CNTN4: variants seen among roughly 807,000 people sequenced by gnomAD.
CNTN4 encodes the protein contactin-4.
A neutral mutation model predicts 122.5 loss-of-function variants in CNTN4; 77 were observed. The observed-to-expected ratio is 0.63, with a 90% CI of 0.52 to 0.76. The LOEUF (loss-of-function observed/expected upper bound fraction) is 0.76, where lower values mean the gene tolerates loss of function less well. Ranked by LOEUF, CNTN4 falls within the 30% of genes least tolerant of loss-of-function variation. The probability of loss-of-function intolerance (pLI) is 0.00; values close to 1 mark genes in which losing one functional copy is unlikely to be tolerated. For missense variants in CNTN4, 1,256 were observed against 1,259.1 expected (o/e 1.00, Z 0.04); for synonymous variants, 512 against 447.0 (o/e 1.15, Z -1.83).
intron 2 of CNTN4, among the ~76,000 whole-genome samples, chr3:2,174,353 T>C (rs569927943): frequency 1.3e-5 from 2 of 152,152 alleles, no homozygotes; most frequent in African/African-American, 4.8e-5. Flanking sequence ...CAGCATAACA[T>C]AGACTGGGTG....
intron 23 of CNTN4, among the ~76,000 whole-genome samples, chr3:3,045,127 T>A (rs1313403698): frequency 6.6e-6 from 1 of 152,152 alleles, no homozygotes; most frequent in Non-Finnish European, 1.5e-5. Flanking sequence ...AGTAGGTAAA[T>A]AGCGGCCTGG....
intron 4 of CNTN4, among the ~76,000 whole-genome samples, chr3:2,587,776 T>A (rs985490204): frequency 2.0e-5 from 3 of 152,170 alleles, no homozygotes; most frequent in African/African-American, 7.2e-5. Context: ...TATTATGAAT[T>A]TTTTTTCAGT....
intron 3 of CNTN4, among the ~76,000 whole-genome samples, chr3:2,522,883 T>C (rs2077270968): frequency 6.6e-6 from 1 of 152,132 alleles, no homozygotes; most frequent in Non-Finnish European, 1.5e-5. Context: ...TGTATTGTTA[T>C]TTGAAATCAG....
At chr3:2,569,320 C>G (rs1373348986) in intron 3 of CNTN4, among the ~76,000 whole-genome samples, 2 of 152,052 alleles carry the variant, frequency 1.3e-5, no homozygotes, top group Non-Finnish European at 2.9e-5. Context: ...CGCTAAGAGC[C>G]CATTATTAAG....
At chr3:2,156,399 G>C (rs1474044160) in intron 2 of CNTN4, among the ~76,000 whole-genome samples, 1 of 152,118 alleles carries the variant, frequency 6.6e-6, no homozygotes, top group Non-Finnish European at 1.5e-5. Flanking sequence ...TGCAGCAATG[G>C]TCCCGCGCCT....
intron 3 of CNTN4, among the ~76,000 whole-genome samples, chr3:2,426,560 G>A (rs905020419): frequency 6.6e-6 from 1 of 151,984 alleles, no homozygotes; most frequent in Non-Finnish European, 1.5e-5. Context: ...GCCAAGCTTT[G>A]GTATCAGGAT....
chr3:2,480,397 A>G (rs2075958100), intron 3 of CNTN4, among the ~76,000 whole-genome samples: 1 of 152,228 alleles, frequency 6.6e-6, no homozygotes, highest in Admixed American at 6.5e-5. Context: ...CCTGGATGTA[A>G]TAAATAATTG....
intron 3 of CNTN4, among the ~76,000 whole-genome samples, chr3:2,491,656 A>C (rs1383659586): frequency 1.3e-5 from 2 of 152,184 alleles, no homozygotes; most frequent in Non-Finnish European, 2.9e-5. Flanking sequence ...CAACTATCCT[A>C]TCCAACCTGT....
At chr3:2,235,274 C>T (rs1278417099) in intron 2 of CNTN4, among the ~76,000 whole-genome samples, 1 of 152,142 alleles carries the variant, frequency 6.6e-6, no homozygotes, top group South Asian at 2.1e-4. Flanking sequence ...TAGGATTATG[C>T]ATGCTATGAT....
intron 3 of CNTN4, among the ~76,000 whole-genome samples, chr3:2,351,588 G>A (rs553526713): frequency 7.2e-5 from 11 of 152,196 alleles, no homozygotes; most frequent in Non-Finnish European, 1.0e-4. Context: ...TACATTCCCC[G>A]TGGAGTAGGA....
At chr3:2,717,077 T>C (rs1170896991) in intron 4 of CNTN4, among the ~76,000 whole-genome samples, 1 of 152,194 alleles carries the variant, frequency 6.6e-6, no homozygotes, top group Non-Finnish European at 1.5e-5. Flanking sequence ...TATGAACACT[T>C]GTGTAAAAGT....
chr3:2,148,149 G>A (rs2035333119), intron 2 of CNTN4, among the ~76,000 whole-genome samples: 1 of 152,164 alleles, frequency 6.6e-6, no homozygotes, highest in South Asian at 2.1e-4. Context: ...GAAAATAGTA[G>A]TAGGACTAAT....
intron 2 of CNTN4, among the ~76,000 whole-genome samples, chr3:2,252,241 TTATAATGTA>T (rs1465020623): frequency 6.6e-6 from 1 of 152,028 alleles, no homozygotes; most frequent in African/African-American, 2.4e-5. Context: ...AAGTTTTTTA[TTATAATGTA>T]TTAAGTACAG....
intron 2 of CNTN4, among the ~76,000 whole-genome samples, chr3:2,219,691 AT>A (rs1478864455): frequency 2.0e-5 from 3 of 151,998 alleles, no homozygotes; most frequent in African/African-American, 7.3e-5. Flanking sequence ...TGACAAGGTA[AT>A]TTATGCCTGA....
At chr3:2,250,301 G>C (rs565227829) in intron 2 of CNTN4, among the ~76,000 whole-genome samples, 2 of 151,968 alleles carry the variant, frequency 1.3e-5, no homozygotes, top group African/African-American at 4.8e-5. Context: ...AATGTGACTA[G>C]AACCCAGATT....
At chr3:3,051,037 A>G (rs1188619144) in intron 23 of CNTN4, among the ~76,000 whole-genome samples, 1 of 152,162 alleles carries the variant, frequency 6.6e-6, no homozygotes, top group East Asian at 1.9e-4. Context: ...ACTTTCTTAA[A>G]ACATCGTAAG....
chr3:2,975,665 C>G (rs1353461952), intron 13 of CNTN4, among the ~76,000 whole-genome samples: 2 of 152,166 alleles, frequency 1.3e-5, no homozygotes, highest in Admixed American at 6.5e-5. Flanking sequence ...TTTCTAGAGA[C>G]AGCTGCACTT....
intron 13 of CNTN4, among the ~76,000 whole-genome samples, chr3:2,957,864 T>C (rs935720092): frequency 2.0e-5 from 3 of 152,186 alleles, no homozygotes; most frequent in Non-Finnish European, 2.9e-5. Context: ...GTTGATTCCA[T>C]GTCTTTGCTA....
intron 6 of CNTN4, among the ~76,000 whole-genome samples, chr3:2,759,890 A>T (rs2090510483): frequency 6.6e-6 from 1 of 152,120 alleles, no homozygotes; most frequent in South Asian, 2.1e-4. Context: ...GTGTGATGTG[A>T]TGTCTCATGT....
Sources: allele counts gnomAD v4.1 joint callset (sites outside exome capture counted in the v4.1 genomes callset), GRCh38; gene constraint gnomAD v4.1.1; transcripts MANE v1.5; gene names NCBI Gene and HGNC (gene_info 2026-07-23, HGNC 2026-07-21).